The following MRPS23 variants were observed in gnomAD, a reference collection of about 807,000 sequenced individuals.
The protein encoded by MRPS23 is mitochondrial ribosomal protein S23.
Under a neutral mutation model 19.8 loss-of-function variants are expected in MRPS23, and 14 were observed. That is an observed-to-expected ratio of 0.71 (90% CI 0.47 to 1.11). The LOEUF is 1.11. MRPS23 is among the 50% of genes least tolerant of loss of function. The pLI is 0.00. For synonymous variants in MRPS23, 113 were observed against 89.7 expected, an observed-to-expected ratio of 1.26 and a Z score of -1.47; for missense variants, 242 against 236.7, an observed-to-expected ratio of 1.02 and a Z score of -0.15.
intron 2 of MRPS23, among the ~76,000 whole-genome samples, chr17:57,842,885 T>TACACACACAC (rs1401795190): frequency 5.5e-5 from 6 of 109,270 alleles, no homozygotes; most frequent in African/African-American, 2.2e-4. Flanking sequence ...AAAAAATATA[T>TACACACACAC]ATATATACAC....
In MRPS23 at chr17:57,840,814, G is replaced by C. The variant is rs1044486350; in HGVS notation, c.420+112C>G. 4.3e-6 allele frequency: 6 copies of C among 1,392,734 alleles called. No individual in the cohort carries two copies. In the African/African-American group the frequency reaches 7.2e-5, roughly 17 times the overall value. 86.3% of individuals were successfully genotyped at this position (1,392,734 alleles called of 1,614,324 possible). On this transcript the variant is annotated intron_variant, in intron 4 of 4. Transcript: ENST00000313608. ...CAAAAACCACAGCACTTTATAAAAG[G>C]TATTTCAGCATCTGTGAATATTGGT...
Position 57,849,271 on chromosome 17 carries a change from C to T in MRPS23, c.184G>A (p.Asp62Asn), listed in dbSNP as rs747951737. 17 of 1,614,116 alleles carry T rather than the reference C, an allele frequency of 1.1e-5. No homozygotes were observed. The highest frequency in any genetic ancestry group is 8.8e-5 in the South Asian group (8 of 91,088). ...ATCCGATCCTCGTGGTACCAGATGT[C>T]TTGGATGGGAGCTTTGGCTTTGCCA... ...RYGKAKAPIQ[D>N]IWYHEDRIRA... Residue 62 changes from aspartate to asparagine, a missense_variant, in exon 2 of 5, where the codon GAC (aspartate) becomes AAC (asparagine). Transcript: ENST00000313608.
rs2586036 is a variant in MRPS23, at chr17:57,838,353, A to G, written c.*1430T>C. 0.79 allele frequency: 112,474 copies of G among 141,782 alleles called. 44,954 individuals carry two copies. The highest frequency in any genetic ancestry group is 0.88 in the South Asian group (3,981 of 4,538). 8.8% of individuals were successfully genotyped at this position (141,782 alleles called of 1,614,324 possible). ...ACAGAGGAGGAAAACAAACAAAAAT[A>G]GCAAAAATGGGACATCAATCCAGAC... On this transcript the variant is annotated 3_prime_UTR_variant, in exon 5 of 5. Coordinates refer to ENST00000313608, the MANE Select transcript of MRPS23 (RefSeq NM_016070.4).
rs546569196 is a variant in MRPS23, at chr17:57,846,438, G to A, written c.215+2802C>T. The stretch of plus-strand genomic sequence containing the variant: ...GAGTACCCAACAGCTCATTGAGAAC[G>A]GGCCATGATGACGATGGGGGTTTTG... On this transcript the variant is annotated intron_variant, in intron 2 of 4. Coordinates refer to ENST00000313608, the MANE Select transcript of MRPS23 (RefSeq NM_016070.4). Among the ~76,000 whole-genome samples the A allele has an allele frequency of 1.8e-4, 27 of 152,334 alleles. No homozygotes were observed. In the East Asian group the frequency reaches 2.9e-3, roughly 16 times the overall value.
intron 2 of MRPS23, among the ~76,000 whole-genome samples, chr17:57,844,880 T>C (rs2073762710): frequency 6.6e-6 from 1 of 151,802 alleles, no homozygotes. Flanking sequence ...GAAGCACAAA[T>C]GATTTTTTAA....
In MRPS23 at chr17:57,839,639, T is replaced by A; in HGVS notation, c.*144A>T. 9.4e-7 allele frequency: 1 copy of A among 1,063,014 alleles called. No homozygotes were observed. The allele number at this position is 1,063,014 out of a possible 1,614,324, so 65.8% of individuals were successfully genotyped here. A position where few individuals can be genotyped will look rare whatever the true frequency, so the allele number is the denominator to read the frequency against. On this transcript the variant is annotated 3_prime_UTR_variant, in exon 5 of 5. Coordinates refer to ENST00000313608, the MANE Select transcript of MRPS23 (RefSeq NM_016070.4). ...TGTCAAACCATGATACTGAGCTTTG[T>A]GACAACCCAGAAATAACTAAGAGAA...
Position 57,839,884 on chromosome 17 carries a change from G to A in MRPS23, c.472C>T (p.Pro158Ser), listed in dbSNP as rs1364510510. 7 of 1,614,062 alleles carry A rather than the reference G, an allele frequency of 4.3e-6. No homozygotes were observed. The highest frequency in any genetic ancestry group is 1.7e-5 in the Admixed American group (1 of 60,002). The change falls in exon 5 of 5, where the codon CCA (proline) becomes TCA (serine). Residue 158 changes from proline (P) to serine (S), a missense_variant. By Grantham distance (74) the Pro-to-Ser change is moderately conservative. Transcript: ENST00000313608. ...TCGTTTTCTTCCAACGCAGTCTGTG[G>A]TCTGACACTCAAGTGTTCGGATTTC... The part of the protein sequence containing the change: ...SRKSEHLSVR[P>S]QTALEENETQ...
In MRPS23 at chr17:57,836,960, T is replaced by C. The variant is rs1296016993; in HGVS notation, c.*2823A>G. On this transcript the variant is annotated 3_prime_UTR_variant, in exon 5 of 5. Transcript: ENST00000313608. The stretch of plus-strand genomic sequence containing the variant: ...TCCCAAAGTGCTGGGATTACAGGCG[T>C]GAGCCATGGAGCCCGGCCTGATTTT... 1 of 152,276 alleles carries C rather than the reference T, an allele frequency of 6.6e-6. No individual in the cohort carries two copies. The highest frequency in any genetic ancestry group is 1.5e-5 in the Non-Finnish European group (1 of 68,070). 9.4% of individuals were successfully genotyped at this position (152,276 alleles called of 1,614,324 possible). A position where few individuals can be genotyped will look rare whatever the true frequency, so the allele number is the denominator to read the frequency against.
chr17:57,846,521 T>A (rs1425362641), intron 2 of MRPS23, among the ~76,000 whole-genome samples: 3 of 152,196 alleles, frequency 2.0e-5, no homozygotes, highest in African/African-American at 7.2e-5. Flanking sequence ...TGTTACTGTG[T>A]CTGTGTGGAA....
chr17:57,841,401 T>G, intron 2 of MRPS23, 141 bp from the exon 3 acceptor site: 1 of 650,640 alleles, frequency 1.5e-6, no homozygotes, highest in South Asian at 2.0e-5. Context: ...AACAGTTTTG[T>G]TTTTTTAGAT....
intron 4 of MRPS23, among the ~76,000 whole-genome samples, chr17:57,840,248 A>C (rs1035464141): frequency 6.6e-6 from 1 of 152,086 alleles, no homozygotes; most frequent in African/African-American, 2.4e-5. Context: ...TTAGCTGAGC[A>C]TGGTGGCAGG....
In MRPS23 at chr17:57,841,257, CT is replaced by C; in HGVS notation, c.218del (p.Lys73SerfsTer60). On this transcript the variant is annotated frameshift_variant and splice_region_variant, in exon 3 of 5. Transcript: ENST00000313608. LOFTEE classifies it high-confidence loss of function. ...GACCAGACCCATACACTGAATAAAA[CT>C]TCCTAGAAAATGCAAACAACATAAT... ...IWYHEDRIRA[K>X]FYSVYGSGQR... 3.1e-6 allele frequency: 5 copies of C among 1,613,218 alleles called. No homozygotes were observed. Among genetic ancestry groups the C allele is most frequent in the Non-Finnish European group, 4.2e-6 (5 of 1,179,768 alleles).
In MRPS23 at chr17:57,835,344, T is replaced by C. The variant is rs2073698589; in HGVS notation, c.*4439A>G. On this transcript the variant is annotated 3_prime_UTR_variant, in exon 5 of 5. Coordinates refer to ENST00000313608, the MANE Select transcript of MRPS23 (RefSeq NM_016070.4). Reference sequence around the variant, plus strand: ...GTGTTAGTGATGCTGCTAAGTTTTCTAGTCACTCAGGTTTGTGACCTTGGA... The same window carrying C: ...GTGTTAGTGATGCTGCTAAGTTTTCCAGTCACTCAGGTTTGTGACCTTGGA... 6.6e-6 allele frequency: 1 copy of C among 152,316 alleles called. No homozygotes were observed. The highest frequency in any genetic ancestry group is 1.5e-5 in the Non-Finnish European group (1 of 68,062). The allele number at this position is 152,316 out of a possible 1,614,324, so 9.4% of individuals were successfully genotyped here.
In MRPS23 at chr17:57,836,232, T is replaced by C. The variant is rs935012816; in HGVS notation, c.*3551A>G. 6 of 152,032 alleles carry C rather than the reference T, an allele frequency of 3.9e-5. No homozygotes were observed. The highest frequency in any genetic ancestry group is 1.3e-4 in the Admixed American group (2 of 15,252). 9.4% of individuals were successfully genotyped at this position (152,032 alleles called of 1,614,324 possible). A position where few individuals can be genotyped will look rare whatever the true frequency, so the allele number is the denominator to read the frequency against. ...GACTTCCCAAAGTGCTGGGATTACA[T>C]GAGCCACCACGCCCACCCTATACTC... On this transcript the variant is annotated 3_prime_UTR_variant, in exon 5 of 5. Transcript: ENST00000313608.
chr17:57,843,664 G>A (rs2073754531), intron 2 of MRPS23, among the ~76,000 whole-genome samples: 1 of 152,018 alleles, frequency 6.6e-6, no homozygotes, highest in African/African-American at 2.4e-5. Flanking sequence ...CCCTCAATGT[G>A]AGGAATCAGG....
intron 4 of MRPS23, 97 bp from the exon 5 acceptor site, chr17:57,840,032 A>G (rs1180505723): frequency 7.1e-7 from 1 of 1,414,826 alleles, no homozygotes; most frequent in African/African-American, 1.4e-5. Flanking sequence ...TCACTGAGTG[A>G]AAAATTTAGC....
At chr17:57,846,204 G>A (rs2073772712) in intron 2 of MRPS23, among the ~76,000 whole-genome samples, 1 of 151,488 alleles carries the variant, frequency 6.6e-6, no homozygotes, top group African/African-American at 2.4e-5. Context: ...CGGGAGGGAG[G>A]TGGGGGGCAG....
intron 2 of MRPS23, among the ~76,000 whole-genome samples, chr17:57,846,195 G>A (rs559904160): frequency 1.1e-3 from 171 of 150,636 alleles, no homozygotes; most frequent in African/African-American, 3.9e-3. Context: ...CGCCCCGTCC[G>A]GGAGGGAGGT....
intron 1 of MRPS23, among the ~76,000 whole-genome samples, chr17:57,849,677 T>G (rs1436559678): frequency 6.6e-6 from 1 of 152,192 alleles, no homozygotes; most frequent in East Asian, 1.9e-4. Context: ...TTGCATGACC[T>G]GATAAGGAAG....
Sources: allele counts gnomAD v4.1 joint callset (sites outside exome capture counted in the v4.1 genomes callset), GRCh38; gene constraint gnomAD v4.1.1; transcripts MANE v1.5; gene names NCBI Gene and HGNC (gene_info 2026-07-23, HGNC 2026-07-21).